CROCC: variants seen among roughly 807,000 people sequenced by gnomAD.
CROCC encodes rootletin.
In CROCC, 180 loss-of-function variants were observed where a neutral mutation model predicts 245.2. The ratio of observed to expected loss-of-function variants is 0.73; its 90% confidence interval spans 0.65 to 0.83. CROCC has a LOEUF of 0.83. Ranked by LOEUF, CROCC falls within the 40% of genes least tolerant of loss-of-function variation. The probability of loss-of-function intolerance (pLI) is 0.00; values close to 1 mark genes in which losing one functional copy is unlikely to be tolerated. For synonymous variants in CROCC, 1,205 were observed against 1,241.6 expected (o/e 0.97, Z 0.62); for missense variants, 2,688 against 2,779.4 (o/e 0.97, Z 0.74).
rs1409226022 is a variant in CROCC at position 16,954,700 on chromosome 1, G to A, written c.3322-34G>A. 2.6e-6 allele frequency: 4 copies of A among 1,526,708 alleles called. No homozygotes were observed. Among genetic ancestry groups the A allele is most frequent in the Non-Finnish European group, 3.5e-6 (4 of 1,131,750 alleles). 94.6% of individuals were successfully genotyped at this position (1,526,708 alleles called of 1,614,324 possible). On this transcript the variant is annotated intron_variant, in intron 22 of 36. Coordinates refer to ENST00000375541, the MANE Select transcript of CROCC (RefSeq NM_014675.5). This position sits in a 1 kb window ranked among gnomAD's most constrained non-coding sequence, Gnocchi z 4.4. ...GAGCAGCCCGGGGCTGGGGGACACAGCAGGACCAAGTCTGAGGAGCCCCTC... is the reference window on the plus strand; with the variant it reads ...GAGCAGCCCGGGGCTGGGGGACACAACAGGACCAAGTCTGAGGAGCCCCTC...
intron 8 of CROCC, among the ~76,000 whole-genome samples, chr1:16,935,581 C>G (rs1420252362): frequency 6.6e-6 from 1 of 152,278 alleles, no homozygotes; most frequent in Non-Finnish European, 1.5e-5. Flanking sequence ...CCACCTCACC[C>G]GGCTAATTTT....
chr1:16,966,987 C>T lies in CROCC; in HGVS notation c.4860+416C>T, dbSNP rs564413879. 2.0e-5 allele frequency among the ~76,000 whole-genome samples: 3 copies of T among 151,176 alleles called. No individual in the cohort carries two copies. Among genetic ancestry groups the T allele is most frequent in the East Asian group, 2.0e-4 (1 of 5,128 alleles). ...GGAAGATCACTGGAGCCCGGTAGGT[C>T]GAGGCTGCAATGAGCTGTGATCATG... On this transcript the variant is annotated intron_variant, in intron 30 of 36. Coordinates refer to ENST00000375541, the MANE Select transcript of CROCC (RefSeq NM_014675.5). This position sits in a 1 kb window ranked among gnomAD's most constrained non-coding sequence, Gnocchi z 4.8.
chr1:16,931,234 G>A, intron 7 of CROCC, 57 bp from the exon 8 acceptor site: 1 of 1,458,384 alleles, frequency 6.9e-7, no homozygotes, highest in Admixed American at 1.7e-5. Flanking sequence ...GGGAAGCAGT[G>A]GGAGGGAGTA....
At position 16,956,052 on chromosome 1, in the gene CROCC, C is replaced by T. The variant is rs1461551791; in HGVS notation, c.3760C>T (p.Arg1254Trp). ...EQKLALLEEARTAVGKEAGEL... is the reference protein window; with the variant it reads ...EQKLALLEEAWTAVGKEAGEL... ...GAAGCTGGCACTCCTAGAGGAGGCA[C>T]GGACAGCTGTGGGCAAGGAGGCCGG... Residue 1254 changes from arginine (R) to tryptophan (W), a missense_variant, in exon 25 of 37, where the codon CGG becomes TGG. Physicochemically the swap from Arg to Trp is moderately radical, Grantham distance 101. Coordinates refer to ENST00000375541, the MANE Select transcript of CROCC (RefSeq NM_014675.5). 38 of 1,551,054 alleles carry T rather than the reference C, an allele frequency of 2.4e-5. No homozygotes were observed. Among genetic ancestry groups the T allele is most frequent in the Non-Finnish European group, 3.1e-5 (36 of 1,147,028 alleles).
Position 16,930,599 on chromosome 1 carries a change from G to T in CROCC, c.849+5G>T. ...GCGTGGAGGCGCGAGGAGGAGGTGG[G>T]CATGGGGGTGCAGGGAGGCCAGCCT... On this transcript the variant is annotated splice_donor_5th_base_variant and intron_variant, in intron 7 of 36. Transcript: ENST00000375541. The T allele has an allele frequency of 6.2e-7, 1 of 1,604,416 alleles. No individual in the cohort carries two copies.
chr1:16,915,263 G>T (rs2075289832), intron 1 of CROCC, among the ~76,000 whole-genome samples: 1 of 152,296 alleles, frequency 6.6e-6, no homozygotes, highest in African/African-American at 2.4e-5. Context: ...AGAGCCAAGG[G>T]GAATCATTTC....
intron 32 of CROCC, 152 bp downstream of exon 32, chr1:16,969,492 T>C (rs1170842091): frequency 1.2e-6 from 1 of 854,764 alleles, no homozygotes; most frequent in Non-Finnish European, 1.9e-6. Context: ...GTGGGCCCAG[T>C]AGACCATCAG....
intron 35 of CROCC, among the ~76,000 whole-genome samples, chr1:16,971,244 TGTGTG>T (rs2076513416): frequency 6.6e-6 from 1 of 150,676 alleles, no homozygotes; most frequent in Non-Finnish European, 1.5e-5. Context: ...TGTGTGTGTG[TGTGTG>T]TGTCCATGCA....
At chr1:16,941,593 G>A (rs539647310) in intron 13 of CROCC, among the ~76,000 whole-genome samples, 10 of 152,362 alleles carry the variant, frequency 6.6e-5, no homozygotes, top group East Asian at 3.9e-4. Context: ...TTAGCTGGGC[G>A]TGGTGGCAGG....
Position 16,936,626 on chromosome 1 carries a change from C to G in CROCC, c.957-11C>G, listed in dbSNP as rs1458861649. On this transcript the variant is annotated splice_polypyrimidine_tract_variant and intron_variant, in intron 8 of 36. Coordinates refer to ENST00000375541, the MANE Select transcript of CROCC (RefSeq NM_014675.5). ...GCCCCATCCATCCCCAGCCTGTGCT[C>G]TCTCCCGAAGGGACCTGCTGCAGCT... The G allele has an allele frequency of 4.5e-6, 7 of 1,572,744 alleles. No individual in the cohort carries two copies. The highest frequency in any genetic ancestry group is 6.0e-6 in the Non-Finnish European group (7 of 1,158,462).
In CROCC at chr1:16,939,982, T is replaced by C. The variant is rs2075889802; in HGVS notation, c.1697T>C (p.Leu566Pro). 1.2e-6 allele frequency: 2 copies of C among 1,612,342 alleles called. No individual in the cohort carries two copies. The highest frequency in any genetic ancestry group is 1.3e-5 in the African/African-American group (1 of 75,026). The part of the protein sequence containing the change: ...LSDSESERRA[L>P]EEQLQRLRDK... Reference sequence around the variant, plus strand: ...GACAGCGAGAGCGAGCGGCGGGCCCTAGAGGAACAGCTGCAGCGCCTGCGG... The same window carrying C: ...GACAGCGAGAGCGAGCGGCGGGCCCCAGAGGAACAGCTGCAGCGCCTGCGG... The change falls in exon 13 of 37, where the codon CTA (leucine) becomes CCA (proline). Residue 566 changes from leucine to proline, a missense_variant. This residue lies in a region of CROCC where 972 missense variants were observed against 895.3 expected (regional missense o/e 1.09). Coordinates refer to ENST00000375541, the MANE Select transcript of CROCC (RefSeq NM_014675.5).
At position 16,966,351 on chromosome 1, in the gene CROCC, G is replaced by C; in HGVS notation, c.4697-57G>C. ...GTGCAGGCTGGACATTTTGTGACCT[G>C]GTTTGGGTCTCGGGGCTGTGCTTGG... is the stretch of plus-strand genomic sequence containing the variant. On this transcript the variant is annotated intron_variant, in intron 29 of 36. Transcript: ENST00000375541. The surrounding 1 kb of genome is among the most constrained non-coding windows in gnomAD (Gnocchi z 4.8). 1 of 1,474,378 alleles carries C rather than the reference G, an allele frequency of 6.8e-7. No homozygotes were observed. The highest frequency in any genetic ancestry group is 9.0e-7 in the Non-Finnish European group (1 of 1,111,390). 91.3% of individuals were successfully genotyped at this position (1,474,378 alleles called of 1,614,324 possible).
Position 16,936,888 on chromosome 1 carries a change from G to A in CROCC, c.1193+15G>A, listed in dbSNP as rs747404904. The A allele has an allele frequency of 1.9e-6, 3 of 1,599,674 alleles. No individual in the cohort carries two copies. Among genetic ancestry groups the A allele is most frequent in the Non-Finnish European group, 2.6e-6 (3 of 1,170,042 alleles). ...CTCAGTGCCAGGTGGGTACCTGGTG[G>A]ATGCCGCACGAGGCAGGCGTCCCTG... On this transcript the variant is annotated intron_variant, in intron 9 of 36. Coordinates refer to ENST00000375541, the MANE Select transcript of CROCC (RefSeq NM_014675.5).
intron 23 of CROCC, 82 bp from the exon 24 acceptor site, chr1:16,955,230 G>A: frequency 2.9e-6 from 4 of 1,381,216 alleles, no homozygotes; most frequent in Non-Finnish European, 4.0e-6. Flanking sequence ...AGGCTCCCTG[G>A]GTCCAGGGAT....
chr1:16,954,307 G>T lies in CROCC; in HGVS notation c.3271G>T (p.Glu1091Ter). 2 of 1,612,134 alleles carry T rather than the reference G, an allele frequency of 1.2e-6. No individual in the cohort carries two copies. Among genetic ancestry groups the T allele is most frequent in the Non-Finnish European group, 1.7e-6 (2 of 1,179,958 alleles). Residue 1091 changes from glutamate (E) to a stop codon, truncating the protein, a stop_gained, in exon 22 of 37, where the codon GAG becomes TAG. Coordinates refer to ENST00000375541, the MANE Select transcript of CROCC (RefSeq NM_014675.5). LOFTEE classifies it high-confidence loss of function. This position sits in a 1 kb window ranked among gnomAD's most constrained non-coding sequence, Gnocchi z 4.4. ...GCACAGCCTGGCCACCATCTCCCTG[G>T]AGATGGAGCGGCAGAAACGAGATGC... is the stretch of plus-strand genomic sequence containing the variant. ...TRHSLATISL[E>*]MERQKRDAQS...
upstream of CROCC, among the ~76,000 whole-genome samples, chr1:16,920,446 G>C (rs2075380120): frequency 6.6e-6 from 1 of 152,210 alleles, no homozygotes; most frequent in African/African-American, 2.4e-5. Flanking sequence ...GCCCGCCTCA[G>C]CCTCCCAAAG....
At chr1:16,922,397 A>G (rs1319814912) in intron 1 of CROCC, among the ~76,000 whole-genome samples, 1 of 152,252 alleles carries the variant, frequency 6.6e-6, no homozygotes, top group Admixed American at 6.5e-5. Context: ...TGGGGCCCCC[A>G]ACACTGGACT....
rs779043779 is a variant in CROCC at position 16,970,385 on chromosome 1, C to T, written c.5584C>T (p.Arg1862Trp). ...RALAQLEAEK[R>W]EVERSALRLE... ...CCTGGCTCAGCTGGAAGCTGAGAAG[C>T]GGGAGGTGGAGCGCTCAGCCCTGCG... The change falls in exon 34 of 37, where the codon CGG becomes TGG. Residue 1862 changes from arginine to tryptophan, a missense_variant. Arg to Trp is a moderately radical substitution (Grantham distance 101, BLOSUM62 -3). This residue lies in a region of CROCC where 1,218 missense variants were observed against 1,286.3 expected (regional missense o/e 0.95). Coordinates refer to ENST00000375541, the MANE Select transcript of CROCC (RefSeq NM_014675.5). 2.9e-5 allele frequency: 46 copies of T among 1,604,184 alleles called. No homozygotes were observed. Among genetic ancestry groups the T allele is most frequent in the South Asian group, 2.8e-4 (25 of 89,248 alleles).
At chr1:16,969,430 G>C (rs1281427743) in intron 32 of CROCC, 90 bp downstream of exon 32, 2 of 1,273,132 alleles carry the variant, frequency 1.6e-6, no homozygotes, top group African/African-American at 3.0e-5. Context: ...TAGAGAGCCA[G>C]CCAATGGGGC....
Sources: gnomAD v4.1 joint callset for allele counts (sites outside exome capture counted in the v4.1 genomes callset) on GRCh38, gnomAD v4.1.1 for gene constraint, gnomAD v4.1.1 regional missense constraint, Gnocchi (gnomAD v3.1) non-coding constraint, MANE v1.5 for transcripts, NCBI Gene and HGNC (gene_info 2026-07-23, HGNC 2026-07-21) for gene names.